Variants in NAALADL2 observed in about 807,000 individuals in gnomAD.
NAALADL2 encodes N-acetylated alpha-linked acidic dipeptidase like 2, also known as inactive N-acetylated-alpha-linked acidic dipeptidase-like protein 2.
In NAALADL2, 76 loss-of-function variants were observed where a neutral mutation model predicts 87.2. The observed-to-expected ratio is 0.87, with a 90% CI of 0.72 to 1.05. The LOEUF is 1.05. Among genes scored for constraint, NAALADL2 ranks in the 50% least tolerant of loss-of-function variants. The pLI is 0.00. For synonymous variants in NAALADL2, 354 were observed against 331.0 expected (o/e 1.07, Z -0.75); for missense variants, 1,089 against 945.8 (o/e 1.15, Z -1.99).
intron 1 of NAALADL2, among the ~76,000 whole-genome samples, chr3:174,450,025 A>G (rs1715370358): frequency 1.4e-5 from 2 of 146,076 alleles, no homozygotes; most frequent in South Asian, 4.3e-4. Flanking sequence ...ATACATACAC[A>G]CACACACACA....
intron 5 of NAALADL2, among the ~76,000 whole-genome samples, chr3:175,332,829 G>A (rs1761550270): frequency 6.6e-6 from 1 of 152,078 alleles, no homozygotes; most frequent in Admixed American, 6.5e-5. Flanking sequence ...AGGTGTTGAA[G>A]TCCCCAACTA....
intron 2 of NAALADL2, among the ~76,000 whole-genome samples, chr3:174,666,859 C>G (rs1447778): frequency 5.9e-5 from 9 of 152,094 alleles, no homozygotes; most frequent in Non-Finnish European, 1.3e-4. Flanking sequence ...CCAGCCCCTG[C>G]AAACCACCAT....
At chr3:174,857,657 G>A (rs1217855184), upstream of NAALADL2, among the ~76,000 whole-genome samples, 1 of 152,024 alleles carries the variant, frequency 6.6e-6, no homozygotes, top group Non-Finnish European at 1.5e-5. Context: ...TGTTGGTAAA[G>A]TATGTAGCAT....
At chr3:174,768,024 G>A (rs1017828849) in intron 3 of NAALADL2, among the ~76,000 whole-genome samples, 2 of 152,182 alleles carry the variant, frequency 1.3e-5, no homozygotes, top group Admixed American at 1.3e-4. Flanking sequence ...TCGAATATGT[G>A]ACATTTTGAT....
intron 13 of NAALADL2, among the ~76,000 whole-genome samples, chr3:175,777,587 G>A (rs1218346891): frequency 2.0e-5 from 3 of 152,114 alleles, no homozygotes; most frequent in African/African-American, 4.8e-5. Flanking sequence ...TTCTTCAAGA[G>A]CTTTGCCAAG....
chr3:175,010,317 T>C (rs1213961053), intron 1 of NAALADL2, among the ~76,000 whole-genome samples: 1 of 152,086 alleles, frequency 6.6e-6, no homozygotes, highest in African/African-American at 2.4e-5. Context: ...TCAAAGCCAA[T>C]TATGGCACAT....
intron 4 of NAALADL2, 34 bp downstream of exon 4, chr3:175,256,564 C>A: frequency 6.3e-7 from 1 of 1,595,508 alleles, no homozygotes; most frequent in South Asian, 1.1e-5. Flanking sequence ...GTGGTTTGGT[C>A]AATATTTTGC....
intron 11 of NAALADL2, among the ~76,000 whole-genome samples, chr3:175,734,463 A>G (rs1744227095): frequency 6.6e-6 from 1 of 152,134 alleles, no homozygotes; most frequent in Admixed American, 6.5e-5. Context: ...AGGGTGAGGC[A>G]GGAGAATGGT....
At chr3:175,560,651 G>T (rs1186617823) in intron 9 of NAALADL2, among the ~76,000 whole-genome samples, 2 of 151,926 alleles carry the variant, frequency 1.3e-5, no homozygotes, top group East Asian at 1.9e-4. Flanking sequence ...GTATCCCCTG[G>T]TTTGTTTCAA....
chr3:175,620,923 C>T (rs1347077059), intron 10 of NAALADL2, among the ~76,000 whole-genome samples: 1 of 152,144 alleles, frequency 6.6e-6, no homozygotes, highest in Non-Finnish European at 1.5e-5. Flanking sequence ...TAGCCCTCAG[C>T]TTCAAGAGGG....
At position 175,805,200 on chromosome 3, in the gene NAALADL2, A is replaced by G. The variant is rs1189348663; in HGVS notation, c.*1997A>G. The G allele has an allele frequency of 6.6e-6, 1 of 151,968 alleles. No homozygotes were observed. Among genetic ancestry groups the G allele is most frequent in the East Asian group, 1.9e-4 (1 of 5,184 alleles). The allele number at this position is 151,968 out of a possible 1,614,324, so 9.4% of individuals were successfully genotyped here. ...AAACAAATAAAGGCAAGCTATTATCAGTTTGGTAGTTCATTATTTTAGAAC... is the reference window on the plus strand; with the variant it reads ...AAACAAATAAAGGCAAGCTATTATCGGTTTGGTAGTTCATTATTTTAGAAC... On this transcript the variant is annotated 3_prime_UTR_variant, in exon 14 of 14. Transcript: ENST00000454872.
chr3:174,898,129 A>AAAAAAAG (rs1560338776), intron 1 of NAALADL2, among the ~76,000 whole-genome samples: 1 of 145,374 alleles, frequency 6.9e-6, no homozygotes, highest in African/African-American at 2.5e-5. Context: ...AAAAAAAAAA[A>AAAAAAAG]AAAAAAAAAA....
At chr3:175,206,816 G>A (rs1167218637) in intron 2 of NAALADL2, among the ~76,000 whole-genome samples, 1 of 152,150 alleles carries the variant, frequency 6.6e-6, no homozygotes, top group African/African-American at 2.4e-5. Flanking sequence ...GCTTAGGTCT[G>A]CTAATCCTTC....
chr3:175,689,521 C>T (rs2149910253), intron 11 of NAALADL2, among the ~76,000 whole-genome samples: 1 of 152,232 alleles, frequency 6.6e-6, no homozygotes, highest in Admixed American at 6.5e-5. Context: ...CTTGAATTCT[C>T]ACTTACGACT....
chr3:174,723,007 A>G (rs1731847917), intron 2 of NAALADL2, among the ~76,000 whole-genome samples: 1 of 152,144 alleles, frequency 6.6e-6, no homozygotes, highest in Admixed American at 6.5e-5. Context: ...CTTGTTGAAA[A>G]GTCTTCCTAA....
intron 10 of NAALADL2, among the ~76,000 whole-genome samples, chr3:175,591,784 G>GTATATA (rs57196350): frequency 3.3e-4 from 45 of 137,030 alleles, no homozygotes; most frequent in East Asian, 2.0e-3. Context: ...GTGTGTGTGT[G>GTATATA]TATATATATA....
At chr3:174,547,102 T>C (rs1722828083) in intron 1 of NAALADL2, among the ~76,000 whole-genome samples, 1 of 152,174 alleles carries the variant, frequency 6.6e-6, no homozygotes, top group Non-Finnish European at 1.5e-5. Context: ...ACAAACTTAA[T>C]TTTATAATGT....
At chr3:175,299,061 G>A (rs571542214) in intron 4 of NAALADL2, among the ~76,000 whole-genome samples, 2 of 152,312 alleles carry the variant, frequency 1.3e-5, no homozygotes, top group Admixed American at 1.3e-4. Context: ...CTACAGGTTT[G>A]TCAAAGATCA....
intron 1 of NAALADL2, among the ~76,000 whole-genome samples, chr3:174,513,839 G>A (rs1719758697): frequency 6.6e-6 from 1 of 152,178 alleles, no homozygotes; most frequent in Admixed American, 6.5e-5. Context: ...TGAGACATCT[G>A]TTCTTGAAAG....
Sources: allele counts gnomAD v4.1 joint callset (sites outside exome capture counted in the v4.1 genomes callset), GRCh38; gene constraint gnomAD v4.1.1; transcripts MANE v1.5; gene names NCBI Gene and HGNC (gene_info 2026-07-23, HGNC 2026-07-21).